Variants in SETD7 observed in about 807,000 individuals in gnomAD.
The protein encoded by SETD7 is SET domain containing 7, histone lysine methyltransferase.
Under a neutral mutation model 41.8 loss-of-function variants are expected in SETD7, and 16 were observed. The ratio of observed to expected loss-of-function variants is 0.38; its 90% CI spans 0.26 to 0.58. The LOEUF is 0.58. SETD7 is among the 20% of genes least tolerant of loss of function. SETD7 has a pLI of 0.64. For synonymous variants in SETD7, 163 were observed against 169.7 expected, an observed-to-expected ratio of 0.96 and a Z score of 0.31; for missense variants, 346 against 459.7, an observed-to-expected ratio of 0.75 and a Z score of 2.26.
intron 2 of SETD7, among the ~76,000 whole-genome samples, chr4:139,535,778 G>A (rs1265424549): frequency 6.6e-6 from 1 of 152,046 alleles, no homozygotes; most frequent in African/African-American, 2.4e-5. Flanking sequence ...TGAGGCCACA[G>A]CTTAGCTTTC....
intron 1 of SETD7, among the ~76,000 whole-genome samples, chr4:139,551,184 A>G (rs576122690): frequency 7.2e-5 from 11 of 152,376 alleles, no homozygotes; most frequent in Admixed American, 2.0e-4. Flanking sequence ...GGGAAACACT[A>G]GTCCTCCTTG....
chr4:139,551,838 C>T (rs2111179321), intron 1 of SETD7, among the ~76,000 whole-genome samples: 1 of 151,902 alleles, frequency 6.6e-6, no homozygotes, highest in Non-Finnish European at 1.5e-5. Context: ...CAGTGAGACC[C>T]CATCTCATTA....
At position 139,508,981 on chromosome 4, in the gene SETD7, G is replaced by C. The variant is rs1030277746; in HGVS notation, c.*2682C>G. The C allele has an allele frequency of 2.0e-5, 3 of 152,636 alleles. No homozygotes were observed. The highest frequency in any genetic ancestry group is 6.5e-5 in the Admixed American group (1 of 15,282). The allele number at this position is 152,636 out of a possible 1,614,324, so 9.5% of individuals were successfully genotyped here. A position where few individuals can be genotyped will look rare whatever the true frequency, so the allele number is the denominator to read the frequency against. ...ATTTGGGAGTATGTGTGTGTGTGAG[G>C]GGAGGGGTGGGGAAGACAGAGCCAG... On this transcript the variant is annotated 3_prime_UTR_variant, in exon 8 of 8. Coordinates refer to ENST00000274031, the MANE Select transcript of SETD7 (RefSeq NM_030648.4).
intron 2 of SETD7, 119 bp from the exon 3 acceptor site, chr4:139,533,485 G>T: frequency 1.2e-6 from 1 of 803,414 alleles, no homozygotes; most frequent in Non-Finnish European, 2.0e-6. Flanking sequence ...TGGATTCAGC[G>T]CAGCCTCCTA....
At chr4:139,548,320 G>C (rs1193435220) in intron 1 of SETD7, among the ~76,000 whole-genome samples, 2 of 152,148 alleles carry the variant, frequency 1.3e-5, no homozygotes, top group African/African-American at 2.4e-5. Flanking sequence ...AAGATGGTAA[G>C]TACACACTCT....
intron 7 of SETD7, among the ~76,000 whole-genome samples, chr4:139,517,237 G>A (rs1465040157): frequency 6.6e-6 from 1 of 152,168 alleles, no homozygotes. Context: ...CACTTTGGGA[G>A]GCCGAGGCTG....
intron 2 of SETD7, among the ~76,000 whole-genome samples, chr4:139,540,345 C>A (rs2111163317): frequency 6.6e-6 from 1 of 152,300 alleles, no homozygotes; most frequent in African/African-American, 2.4e-5. Flanking sequence ...CTCCAGAACT[C>A]CTTTTAACAT....
At chr4:139,550,171 T>C (rs1422417358) in intron 1 of SETD7, among the ~76,000 whole-genome samples, 4 of 152,322 alleles carry the variant, frequency 2.6e-5, no homozygotes, top group East Asian at 1.9e-4. Flanking sequence ...CCACCACACC[T>C]GGCCTCAGTG....
chr4:139,506,658 T>A lies in SETD7; in HGVS notation c.*5005A>T, dbSNP rs1422276552. 6.6e-6 allele frequency: 1 copy of A among 152,630 alleles called. No homozygotes were observed. Among genetic ancestry groups the A allele is most frequent in the East Asian group, 1.9e-4 (1 of 5,200 alleles). The allele number at this position is 152,630 out of a possible 1,614,324, so 9.5% of individuals were successfully genotyped here. The stretch of plus-strand genomic sequence containing the variant: ...TGCTACTATACACAGTGAAAATTTA[T>A]CCTAATATGTATCATTTCATTATAT... On this transcript the variant is annotated 3_prime_UTR_variant, in exon 8 of 8. Coordinates refer to ENST00000274031, the MANE Select transcript of SETD7 (RefSeq NM_030648.4).
chr4:139,523,184 T>C (rs892306794), intron 5 of SETD7, among the ~76,000 whole-genome samples, 170 bp downstream of exon 5: 4 of 152,210 alleles, frequency 2.6e-5, no homozygotes, highest in South Asian at 4.1e-4. Context: ...CCTCAGAATA[T>C]AGAAATATTT....
At chr4:139,524,398 G>A (rs1252717069) in intron 4 of SETD7, among the ~76,000 whole-genome samples, 2 of 152,232 alleles carry the variant, frequency 1.3e-5, no homozygotes, top group Non-Finnish European at 2.9e-5. Flanking sequence ...CAAGCCAGAT[G>A]GAGCCGTGAA....
At chr4:139,496,517 G>T (rs4863656) in exon 8 of SETD7, 16 of 701,578 alleles carry the variant, frequency 2.3e-5, no homozygotes, top group Non-Finnish European at 3.1e-5. Context: ...TGATTCTTCT[G>T]GCCACTGAAA....
At position 139,530,360 on chromosome 4, in the gene SETD7, T is replaced by C. The variant is rs77256617; in HGVS notation, c.373-1140A>G. On this transcript the variant is annotated intron_variant, in intron 3 of 7. Coordinates refer to ENST00000274031, the MANE Select transcript of SETD7 (RefSeq NM_030648.4). ...TTGAGTGATCCCAAATGCTGCCTTT[T>C]TTTTTTTTTTTTTTTTGCCTTCTAG... Among the ~76,000 whole-genome samples the C allele has an allele frequency of 6.9e-4, 6 of 8,714 alleles. No homozygotes were observed. The South Asian group carries it at 0.029, about 41-fold the overall frequency. The allele number at this position is 8,714 out of a possible 152,430, so 5.7% of individuals were successfully genotyped here. A position where few individuals can be genotyped will look rare whatever the true frequency, so the allele number is the denominator to read the frequency against.
Position 139,517,955 on chromosome 4 carries a change from C to T in SETD7, c.850G>A (p.Val284Ile), listed in dbSNP as rs535762695. ...VIDVPEPYNH[V>I]SKYCASLGHK... is the part of the protein sequence containing the mutation. ...CCCAAGGAGGCACAGTACTTGGATA[C>T]GTGGTTATAGGGCTCAGGCACATCA... The change falls in exon 7 of 8, where the codon GTA (valine) becomes ATA (isoleucine). Residue 284 changes from valine to isoleucine, a missense_variant. By Grantham distance (29) the Val-to-Ile change is conservative. This residue lies in a region of SETD7 where 266 missense variants were observed against 377.0 expected (regional missense o/e 0.71). Coordinates refer to ENST00000274031, the MANE Select transcript of SETD7 (RefSeq NM_030648.4). 6.2e-6 allele frequency: 10 copies of T among 1,613,962 alleles called. No individual in the cohort carries two copies. The highest frequency in any genetic ancestry group is 3.3e-5 in the Admixed American group (2 of 59,998).
In SETD7 at chr4:139,533,364, G is replaced by A. The variant is rs781286418; in HGVS notation, c.173C>T (p.Thr58Ile). Residue 58 changes from threonine to isoleucine, a missense_variant and splice_region_variant, in exon 3 of 8, where the codon ACC (threonine) becomes ATC (isoleucine). By Grantham distance (89) the Thr-to-Ile change is moderately conservative. This residue lies in a region of SETD7 where 266 missense variants were observed against 377.0 expected (regional missense o/e 0.71). Transcript: ENST00000274031. ...ATCATCCACATAATACCCCTCCAGG[G>A]TGCTGTGAGGAAAGGAAAAACAAAA... ...RGKFFFFDGS[T>I]LEGYYVDDAL... 1.2e-6 allele frequency: 2 copies of A among 1,613,000 alleles called. No homozygotes were observed. Among genetic ancestry groups the A allele is most frequent in the East Asian group, 4.5e-5 (2 of 44,880 alleles).
At position 139,516,188 on chromosome 4, in the gene SETD7, G is replaced by A. The variant is rs982937550; in HGVS notation, c.920+1697C>T. Among the ~76,000 whole-genome samples the A allele has an allele frequency of 5.9e-5, 9 of 152,216 alleles. No individual in the cohort carries two copies. In the East Asian group the frequency reaches 7.7e-4, roughly 13 times the overall value. ...CTTATTATAAAGAACTTTCTAGGCCGGGGGCGGTGGCTCACACCTGTAATC... is the reference window on the plus strand; with the variant it reads ...CTTATTATAAAGAACTTTCTAGGCCAGGGGCGGTGGCTCACACCTGTAATC... On this transcript the variant is annotated intron_variant, in intron 7 of 7. Coordinates refer to ENST00000274031, the MANE Select transcript of SETD7 (RefSeq NM_030648.4).
intron 1 of SETD7, among the ~76,000 whole-genome samples, chr4:139,549,671 C>T (rs1248399722): frequency 6.6e-6 from 1 of 152,056 alleles, no homozygotes; most frequent in African/African-American, 2.4e-5. Context: ...AGTGATGAGA[C>T]CATAGTTCAC....
intron 7 of SETD7, among the ~76,000 whole-genome samples, chr4:139,517,101 TGATTTTATAGGTCTTTTCCAAC>T (rs1727045813): frequency 6.6e-6 from 1 of 152,250 alleles, no homozygotes; most frequent in Non-Finnish European, 1.5e-5. Flanking sequence ...ATAGGGACTC[TGATTTTATAGGTCTTTTCCAAC>T]GCTGAGATGT....
Position 139,510,475 on chromosome 4 carries a change from G to A in SETD7, c.*1188C>T, listed in dbSNP as rs1726838833. 6.6e-6 allele frequency: 1 copy of A among 152,228 alleles called. No homozygotes were observed. Among genetic ancestry groups the A allele is most frequent in the South Asian group, 2.1e-4 (1 of 4,832 alleles). 9.4% of individuals were successfully genotyped at this position (152,228 alleles called of 1,614,324 possible). A position where few individuals can be genotyped will look rare whatever the true frequency, so the allele number is the denominator to read the frequency against. ...CTGGCAAAATGGCTGAAATGCTATT[G>A]ATAGTGTTGCTTTTAAACTATACAG... On this transcript the variant is annotated 3_prime_UTR_variant, in exon 8 of 8. Coordinates refer to ENST00000274031, the MANE Select transcript of SETD7 (RefSeq NM_030648.4).
Sources: gnomAD v4.1 joint callset for allele counts (sites outside exome capture counted in the v4.1 genomes callset) on GRCh38, gnomAD v4.1.1 for gene constraint, gnomAD v4.1.1 regional missense constraint, MANE v1.5 for transcripts, NCBI Gene and HGNC (gene_info 2026-07-23, HGNC 2026-07-21) for gene names.